Variants in VPS36 observed in about 807,000 individuals in gnomAD.
The protein encoded by VPS36 is vacuolar protein-sorting-associated protein 36.
Under a neutral mutation model 63.5 loss-of-function variants are expected in VPS36, and 31 were observed. The ratio of observed to expected loss-of-function variants is 0.49; its 90% confidence interval spans 0.37 to 0.66. The LOEUF is 0.66. VPS36 is among the 30% of genes least tolerant of loss of function. The probability of loss-of-function intolerance (pLI) is 0.00; values close to 1 mark genes in which losing one functional copy is unlikely to be tolerated. For synonymous variants in VPS36, 138 were observed against 157.2 expected, an observed-to-expected ratio of 0.88 and a Z score of 0.91; for missense variants, 338 against 463.7, an observed-to-expected ratio of 0.73 and a Z score of 2.49.
chr13:52,447,694 C>T (rs896931514), intron 1 of VPS36, among the ~76,000 whole-genome samples: 1 of 152,174 alleles, frequency 6.6e-6, no homozygotes, highest in Non-Finnish European at 1.5e-5. Flanking sequence ...CAGCTATCAC[C>T]TGTGGGGTCT....
chr13:52,431,065 C>T (rs1958150216), intron 6 of VPS36, among the ~76,000 whole-genome samples: 1 of 150,824 alleles, frequency 6.6e-6, no homozygotes, highest in South Asian at 2.1e-4. Context: ...CAGAATGAGG[C>T]TTCAGACAAC....
chr13:52,444,561 TAC>T (rs1313066614), intron 1 of VPS36, among the ~76,000 whole-genome samples: 1 of 147,738 alleles, frequency 6.8e-6, no homozygotes, highest in African/African-American at 2.5e-5. Flanking sequence ...TATGTATATA[TAC>T]ACATATATAT....
chr13:52,450,603 C>A lies in VPS36; in HGVS notation c.-9G>T. On this transcript the variant is annotated 5_prime_UTR_variant, in exon 1 of 14. Transcript: ENST00000378060. ...CAAACGAAGCGGTCCATGGCCGCTG[C>A]CACCCAGCCCCGGCCCTCCGAGGCC... is the stretch of plus-strand genomic sequence containing the variant. 1 of 1,563,770 alleles carries A rather than the reference C, an allele frequency of 6.4e-7. No homozygotes were observed. The highest frequency in any genetic ancestry group is 8.7e-7 in the Non-Finnish European group (1 of 1,155,534).
chr13:52,443,470 C>T (rs562238913), intron 1 of VPS36, among the ~76,000 whole-genome samples: 6 of 152,230 alleles, frequency 3.9e-5, no homozygotes, highest in Non-Finnish European at 4.4e-5. Context: ...TCCATGAACA[C>T]GTGCTGACAA....
chr13:52,426,467 G>A (rs1275682427), intron 8 of VPS36, among the ~76,000 whole-genome samples: 2 of 152,120 alleles, frequency 1.3e-5, no homozygotes, highest in African/African-American at 2.4e-5. Flanking sequence ...CAGTATTTCT[G>A]TTTTCTACAC....
rs1221751345 is a variant in VPS36, at chr13:52,446,152, G to T, written c.97-3707C>A. Among the ~76,000 whole-genome samples the T allele has an allele frequency of 1.1e-4, 16 of 151,292 alleles. 1 individual carries two copies. Among genetic ancestry groups the T allele is most frequent in the Non-Finnish European group, 1.0e-4 (7 of 67,902 alleles). On this transcript the variant is annotated intron_variant, in intron 1 of 13. Coordinates refer to ENST00000378060, the MANE Select transcript of VPS36 (RefSeq NM_016075.4). ...GTGGTGGCGGGCGCCTGTAATCCCA[G>T]CTACTGGGGAGGCTGAGGTAGGAGA...
chr13:52,445,781 C>CA (rs141386443), intron 1 of VPS36, among the ~76,000 whole-genome samples: 62,491 of 125,140 alleles, frequency 0.5, 16,728 homozygotes, highest in Middle Eastern at 0.68. Flanking sequence ...ACTAAAAATA[C>CA]AAAAAAAAAA....
chr13:52,416,781 T>A (rs1403734270), intron 12 of VPS36, among the ~76,000 whole-genome samples: 1 of 152,208 alleles, frequency 6.6e-6, no homozygotes, highest in Non-Finnish European at 1.5e-5. Flanking sequence ...CTGTTCTCAA[T>A]ACTGAGCTTT....
intron 1 of VPS36, among the ~76,000 whole-genome samples, chr13:52,443,393 T>C (rs994595970): frequency 2.6e-5 from 4 of 152,152 alleles, no homozygotes; most frequent in Non-Finnish European, 5.9e-5. Context: ...TAGAAGTTCA[T>C]GAGGTGGGGC....
At chr13:52,421,672 C>T (rs559571408) in intron 10 of VPS36, among the ~76,000 whole-genome samples, 1 of 152,016 alleles carries the variant, frequency 6.6e-6, no homozygotes, top group South Asian at 2.1e-4. Flanking sequence ...CAGGCACACA[C>T]CACCAAACCC....
At chr13:52,444,389 G>A (rs1204772885) in intron 1 of VPS36, among the ~76,000 whole-genome samples, 1 of 151,710 alleles carries the variant, frequency 6.6e-6, no homozygotes, top group Non-Finnish European at 1.5e-5. Context: ...GAACCCGGGA[G>A]GCGGAGCTTG....
At chr13:52,436,983 A>T (rs950271602) in intron 3 of VPS36, among the ~76,000 whole-genome samples, 5 of 152,170 alleles carry the variant, frequency 3.3e-5, no homozygotes, top group African/African-American at 1.2e-4. Flanking sequence ...CATTATCTTT[A>T]TGACTATCAT....
At chr13:52,449,428 C>T (rs908130334) in intron 1 of VPS36, among the ~76,000 whole-genome samples, 11 of 152,194 alleles carry the variant, frequency 7.2e-5, no homozygotes, top group African/African-American at 2.7e-4. Context: ...AAGACCTTTA[C>T]TCACTAATAC....
At chr13:52,417,339 A>G (rs1330645669) in intron 11 of VPS36, among the ~76,000 whole-genome samples, 198 bp from the exon 12 acceptor site, 1 of 152,230 alleles carries the variant, frequency 6.6e-6, no homozygotes, top group Non-Finnish European at 1.5e-5. Context: ...ATTATGAACT[A>G]AAATCTACAT....
chr13:52,422,374 G>C (rs192818162), intron 10 of VPS36, among the ~76,000 whole-genome samples: 1 of 152,196 alleles, frequency 6.6e-6, no homozygotes, highest in East Asian at 1.9e-4. Context: ...TGGACACTTA[G>C]GTTGATTCTA....
chr13:52,425,823 A>C (rs910559690), intron 9 of VPS36, 109 bp downstream of exon 9: 22 of 1,159,282 alleles, frequency 1.9e-5, no homozygotes, highest in Non-Finnish European at 6.9e-6. Context: ...AAAACATGTC[A>C]GTTGACAATA....
At chr13:52,437,746 C>T (rs1328787490) in intron 3 of VPS36, among the ~76,000 whole-genome samples, 1 of 151,888 alleles carries the variant, frequency 6.6e-6, no homozygotes, top group East Asian at 1.9e-4. Flanking sequence ...CTGGCTAACA[C>T]GGTGAAACCC....
intron 6 of VPS36, among the ~76,000 whole-genome samples, chr13:52,428,002 A>G (rs1326450857): frequency 1.1e-4 from 16 of 152,194 alleles, no homozygotes. Flanking sequence ...TTAAACAGGT[A>G]TTACTTAACT....
intron 4 of VPS36, 84 bp downstream of exon 4, chr13:52,436,206 T>C (rs1014747121): frequency 2.8e-6 from 2 of 718,626 alleles, no homozygotes; most frequent in African/African-American, 3.9e-5. Flanking sequence ...TTCCATCATA[T>C]TAACAAGCCA....
Sources: allele counts gnomAD v4.1 joint callset (sites outside exome capture counted in the v4.1 genomes callset), GRCh38; gene constraint gnomAD v4.1.1; transcripts MANE v1.5; gene names NCBI Gene and HGNC (gene_info 2026-07-23, HGNC 2026-07-21).